CAMK2D: variants seen among roughly 807,000 people sequenced by gnomAD.
The protein encoded by CAMK2D is calcium/calmodulin-dependent protein kinase type II subunit delta.
In CAMK2D, 37 loss-of-function variants were observed where a neutral mutation model predicts 84.0. The observed-to-expected ratio is 0.44, with a 90% CI of 0.34 to 0.58. The LOEUF is 0.58. CAMK2D is among the 20% of genes least tolerant of loss of function. CAMK2D has a pLI of 0.02. For missense variants in CAMK2D, 448 were observed against 652.5 expected, an observed-to-expected ratio of 0.69 and a Z score of 3.41; for synonymous variants, 202 against 212.5, an observed-to-expected ratio of 0.95 and a Z score of 0.43.
At chr4:113,468,870 T>C (rs1243997781) in intron 16 of CAMK2D, among the ~76,000 whole-genome samples, 2 of 152,188 alleles carry the variant, frequency 1.3e-5, no homozygotes, top group Admixed American at 6.5e-5. Flanking sequence ...GAGCTAGCCA[T>C]TTAATCGCAG....
At chr4:113,512,887 T>C (rs2098234925) in intron 12 of CAMK2D, among the ~76,000 whole-genome samples, 1 of 152,120 alleles carries the variant, frequency 6.6e-6, no homozygotes, top group African/African-American at 2.4e-5. Flanking sequence ...GGTCTTCTTT[T>C]AAAAATCTTG....
chr4:113,746,964 AT>A (rs1200543373), intron 2 of CAMK2D, among the ~76,000 whole-genome samples: 2 of 146,526 alleles, frequency 1.4e-5, no homozygotes, highest in Admixed American at 1.3e-4. Context: ...AAAAAAAAAA[AT>A]CTACCATTAA....
chr4:113,751,792 TA>T (rs1248321223), intron 2 of CAMK2D, among the ~76,000 whole-genome samples: 2 of 151,896 alleles, frequency 1.3e-5, no homozygotes, highest in African/African-American at 2.4e-5. Flanking sequence ...TAAATAATTT[TA>T]AAAAAAATTT....
intron 6 of CAMK2D, 51 bp from the exon 7 acceptor site, chr4:113,537,494 C>A (rs774166512): frequency 3.6e-6 from 4 of 1,112,362 alleles, no homozygotes; most frequent in African/African-American, 1.6e-5. Context: ...CTATTTTAAG[C>A]GACTATTCAA....
In CAMK2D at chr4:113,467,541, T is replaced by G. The variant is rs941307930; in HGVS notation, c.1136-1937A>C. ...TGTCAAGGTCTATAATATTAAAAAATCACTATATGGGTTAGAATTCATATT... is the reference window on the plus strand; with the variant it reads ...TGTCAAGGTCTATAATATTAAAAAAGCACTATATGGGTTAGAATTCATATT... On this transcript the variant is annotated intron_variant, in intron 16 of 20. Transcript: ENST00000511664. Among the ~76,000 whole-genome samples, 15 of 152,306 alleles carry G rather than the reference T, an allele frequency of 9.8e-5. 2 individuals carry two copies. Among genetic ancestry groups the G allele is most frequent in the African/African-American group, 3.6e-4 (15 of 41,576 alleles).
At chr4:113,686,062 C>T (rs909219636) in intron 2 of CAMK2D, among the ~76,000 whole-genome samples, 1 of 116,034 alleles carries the variant, frequency 8.6e-6, no homozygotes, top group Non-Finnish European at 1.9e-5. Context: ...GATTCTGTCT[C>T]AAAAAAAAAA....
intron 3 of CAMK2D, among the ~76,000 whole-genome samples, chr4:113,617,726 GCCTGGTTCAAGCAATCCTC>G (rs1163395254): frequency 6.6e-6 from 1 of 151,748 alleles, no homozygotes; most frequent in African/African-American, 2.4e-5. Flanking sequence ...CCTCTTGAAT[GCCTGGTTCAAGCAATCCTC>G]CTACCTCAGC....
chr4:113,508,157 C>T, intron 13 of CAMK2D: 3 of 1,029,466 alleles, frequency 2.9e-6, no homozygotes, highest in Non-Finnish European at 4.5e-6. Context: ...CACTTACTTA[C>T]ACTATCTTAG....
At chr4:113,757,676 C>G (rs1049895634) in intron 2 of CAMK2D, among the ~76,000 whole-genome samples, 2 of 152,050 alleles carry the variant, frequency 1.3e-5, no homozygotes. Context: ...CGGTAAAAAG[C>G]TTTGGGACAT....
At chr4:113,658,634 C>A (rs1308035641) in intron 3 of CAMK2D, among the ~76,000 whole-genome samples, 3 of 152,134 alleles carry the variant, frequency 2.0e-5, no homozygotes, top group Admixed American at 1.3e-4. Flanking sequence ...CTGTCTCCCC[C>A]AAAACTGCAA....
intron 17 of CAMK2D, among the ~76,000 whole-genome samples, chr4:113,464,698 A>G (rs1030687718): frequency 6.6e-6 from 1 of 152,222 alleles, no homozygotes; most frequent in East Asian, 1.9e-4. Context: ...CTTCAAGTAA[A>G]GTTTTCCTTA....
chr4:113,665,888 A>T (rs985807371), intron 2 of CAMK2D, among the ~76,000 whole-genome samples: 1 of 152,238 alleles, frequency 6.6e-6, no homozygotes, highest in Non-Finnish European at 1.5e-5. Context: ...ACATGAAGTC[A>T]GCGGGGGAAT....
intron 4 of CAMK2D, among the ~76,000 whole-genome samples, chr4:113,562,996 A>AAGG (rs1434541246): frequency 6.6e-6 from 1 of 152,138 alleles, no homozygotes; most frequent in African/African-American, 2.4e-5. Flanking sequence ...AGTGGCTCAC[A>AAGG]CCTGTAATCC....
chr4:113,508,150 T>C (rs2098156704), intron 13 of CAMK2D: 1 of 951,250 alleles, frequency 1.1e-6, no homozygotes, highest in Non-Finnish European at 1.7e-6. Flanking sequence ...CCCTCTCCAC[T>C]TACTTACACT....
chr4:113,519,104 G>GA (rs1354584185), intron 8 of CAMK2D, among the ~76,000 whole-genome samples: 2 of 152,038 alleles, frequency 1.3e-5, no homozygotes, highest in Admixed American at 1.3e-4. Context: ...GAGGCAAGTA[G>GA]AAAAAAAGCT....
At position 113,761,505 on chromosome 4, in the gene CAMK2D, G is replaced by T. The variant is rs369521176; in HGVS notation, c.-437C>A. 1 of 1,040,118 alleles carries T rather than the reference G, an allele frequency of 9.6e-7. No individual in the cohort carries two copies. Among genetic ancestry groups the T allele is most frequent in the East Asian group, 9.0e-5 (1 of 11,058 alleles). 64.4% of individuals were successfully genotyped at this position (1,040,118 alleles called of 1,614,324 possible). A position where few individuals can be genotyped will look rare whatever the true frequency, so the allele number is the denominator to read the frequency against. On this transcript the variant is annotated 5_prime_UTR_variant, in exon 1 of 21. Transcript: ENST00000511664. ...AGCAGAGGGGAGGGAGTCCGAGGGG[G>T]CGGAGGTGGAGTGCAGCGGGGCCGA... is the stretch of plus-strand genomic sequence containing the variant.
At chr4:113,528,900 C>T (rs1187189370) in intron 8 of CAMK2D, among the ~76,000 whole-genome samples, 2 of 152,086 alleles carry the variant, frequency 1.3e-5, no homozygotes, top group African/African-American at 4.8e-5. Context: ...TGTGACAATG[C>T]TCTAATTCAA....
At chr4:113,646,407 T>C (rs2099152293) in intron 3 of CAMK2D, among the ~76,000 whole-genome samples, 1 of 152,046 alleles carries the variant, frequency 6.6e-6, no homozygotes, top group African/African-American at 2.4e-5. Context: ...AACAAGTAAA[T>C]ATACAAAATC....
At chr4:113,560,448 A>T (rs1216483213) in intron 4 of CAMK2D, among the ~76,000 whole-genome samples, 1 of 152,224 alleles carries the variant, frequency 6.6e-6, no homozygotes, top group Non-Finnish European at 1.5e-5. Context: ...TAAATAAAAA[A>T]TTATGTTCCT....
Sources: gnomAD v4.1 joint callset for allele counts (sites outside exome capture counted in the v4.1 genomes callset) on GRCh38, gnomAD v4.1.1 for gene constraint, MANE v1.5 for transcripts, NCBI Gene and HGNC (gene_info 2026-07-23, HGNC 2026-07-21) for gene names.